Variants in SCN10A observed in about 807,000 individuals in gnomAD.
SCN10A encodes sodium channel protein type 10 subunit alpha.
A neutral mutation model predicts 170.7 loss-of-function variants in SCN10A; 162 were observed. That is an observed-to-expected ratio of 0.95 (90% CI 0.84 to 1.08). SCN10A has a LOEUF of 1.08. SCN10A is among the 50% of genes least tolerant of loss of function. The pLI is 0.00. For synonymous variants in SCN10A, 985 were observed against 904.6 expected, an observed-to-expected ratio of 1.09 and a Z score of -1.59; for missense variants, 2,527 against 2,436.9, an observed-to-expected ratio of 1.04 and a Z score of -0.78.
chr3:38,736,963 G>GTTTTTTTTTTTTTTGT (rs2063568702), intron 15 of SCN10A, among the ~76,000 whole-genome samples: 1 of 46,666 alleles, frequency 2.1e-5, no homozygotes, highest in Admixed American at 3.3e-4. Flanking sequence ...AGAAATGTTC[G>GTTTTTTTTTTTTTTGT]TTTTTTTTTT....
At chr3:38,727,130 G>A (rs994796048) in intron 16 of SCN10A, 78 bp from the exon 17 acceptor site, 10 of 1,401,312 alleles carry the variant, frequency 7.1e-6, no homozygotes, top group African/African-American at 2.8e-5. Flanking sequence ...TTAGCAGCTG[G>A]CTGGCAAGAC....
intron 1 of SCN10A, among the ~76,000 whole-genome samples, chr3:38,812,661 G>A (rs1025204701): frequency 6.6e-6 from 1 of 152,102 alleles, no homozygotes; most frequent in African/African-American, 2.4e-5. Flanking sequence ...GTCAGAGTCA[G>A]CACTTGCTAG....
intron 17 of SCN10A, among the ~76,000 whole-genome samples, chr3:38,726,030 C>T (rs2063450746): frequency 6.6e-6 from 1 of 152,136 alleles, no homozygotes. Context: ...AGGTGAATGC[C>T]CTGAGTTACT....
chr3:38,703,826 G>T (rs917344005), intron 26 of SCN10A, among the ~76,000 whole-genome samples: 22 of 152,118 alleles, frequency 1.4e-4, no homozygotes, highest in Non-Finnish European at 2.8e-4. Context: ...CCAACTGTTT[G>T]CCTCTGTCAC....
At chr3:38,748,079 G>A (rs2063710622) in intron 13 of SCN10A, among the ~76,000 whole-genome samples, 1 of 152,056 alleles carries the variant, frequency 6.6e-6, no homozygotes, top group Non-Finnish European at 1.5e-5. Context: ...GAGAGAAGGA[G>A]GAAGCTTAAC....
intron 3 of SCN10A, among the ~76,000 whole-genome samples, chr3:38,790,144 A>T (rs2064262460): frequency 6.6e-6 from 1 of 152,188 alleles, no homozygotes; most frequent in South Asian, 2.1e-4. Flanking sequence ...GGGAAATGTT[A>T]ATCCAAGGAT....
intron 20 of SCN10A, 77 bp from the exon 21 acceptor site, chr3:38,718,903 C>A (rs1575948852): frequency 5.0e-6 from 7 of 1,387,696 alleles, no homozygotes; most frequent in Non-Finnish European, 5.9e-6. Context: ...AGGGAAGGAC[C>A]CAGCCAGCCC....
chr3:38,814,990 C>T (rs1423500400), intron 1 of SCN10A, among the ~76,000 whole-genome samples: 6 of 152,196 alleles, frequency 3.9e-5, no homozygotes, highest in East Asian at 1.9e-4. Flanking sequence ...ATTCAAACTA[C>T]GTTTTAAAAT....
At chr3:38,767,841 G>T (rs985857272) in intron 5 of SCN10A, among the ~76,000 whole-genome samples, 11 of 152,040 alleles carry the variant, frequency 7.2e-5, no homozygotes, top group African/African-American at 2.7e-4. Context: ...GTGGAATATT[G>T]ATCCCCCACT....
intron 13 of SCN10A, among the ~76,000 whole-genome samples, chr3:38,744,126 G>A (rs1451142446): frequency 6.6e-6 from 1 of 152,208 alleles, no homozygotes; most frequent in Non-Finnish European, 1.5e-5. Context: ...TTTATTTGTG[G>A]TGATGTAGAA....
At position 38,697,039 on chromosome 3, in the gene SCN10A, T is replaced by A. The variant is rs943660777; in HGVS notation, c.*310A>T. On this transcript the variant is annotated 3_prime_UTR_variant, in exon 28 of 28. Coordinates refer to ENST00000449082, the MANE Select transcript of SCN10A (RefSeq NM_006514.4). Reference sequence around the variant, plus strand: ...TCTGGTCCTGAGAAGTTTGTCTCAGTAAATATAATCTGATTACAACAAAAA... The same window carrying A: ...TCTGGTCCTGAGAAGTTTGTCTCAGAAAATATAATCTGATTACAACAAAAA... 1.4e-5 allele frequency: 5 copies of A among 355,198 alleles called. No homozygotes were observed. The highest frequency in any genetic ancestry group is 1.0e-4 in the African/African-American group (5 of 48,822). 22.0% of individuals were successfully genotyped at this position (355,198 alleles called of 1,614,324 possible). A position where few individuals can be genotyped will look rare whatever the true frequency, so the allele number is the denominator to read the frequency against.
chr3:38,734,332 TA>T (rs959021753), intron 15 of SCN10A, among the ~76,000 whole-genome samples: 96 of 149,586 alleles, frequency 6.4e-4, no homozygotes, highest in African/African-American at 1.2e-3. Flanking sequence ...CCCTTGGCTT[TA>T]AAAAAAAAAT....
intron 1 of SCN10A, among the ~76,000 whole-genome samples, chr3:38,802,786 A>C (rs1394817344): frequency 6.6e-6 from 1 of 152,196 alleles, no homozygotes; most frequent in Non-Finnish European, 1.5e-5. Context: ...AACAAAAGCC[A>C]AAATTGACAA....
chr3:38,812,576 G>A lies in SCN10A; in HGVS notation c.-33+3461C>T, dbSNP rs185559775. On this transcript the variant is annotated intron_variant, in intron 1 of 27. Transcript: ENST00000449082. ...CCCCCAAGACAAAGATGTAGAAAACGAGAAGACTCTCCCATGCCCCTTCCC... is the reference window on the plus strand; with the variant it reads ...CCCCCAAGACAAAGATGTAGAAAACAAGAAGACTCTCCCATGCCCCTTCCC... Among the ~76,000 whole-genome samples the A allele has an allele frequency of 3.3e-5, 5 of 152,180 alleles. No individual in the cohort carries two copies. In the East Asian group the frequency reaches 5.8e-4, roughly 18 times the overall value.
At chr3:38,733,148 T>C (rs1183175232) in intron 15 of SCN10A, among the ~76,000 whole-genome samples, 2 of 152,214 alleles carry the variant, frequency 1.3e-5, no homozygotes, top group African/African-American at 2.4e-5. Flanking sequence ...TTTGAAGTAA[T>C]TGTATTGTGA....
At chr3:38,789,101 C>T in intron 3 of SCN10A, 65 bp from the exon 4 acceptor site, 2 of 897,106 alleles carry the variant, frequency 2.2e-6, no homozygotes, top group African/African-American at 1.6e-5. Flanking sequence ...CTAGGATCAC[C>T]TTGATGCTGA....
At chr3:38,808,348 T>C (rs2064418626) in intron 1 of SCN10A, among the ~76,000 whole-genome samples, 1 of 152,236 alleles carries the variant, frequency 6.6e-6, no homozygotes, top group African/African-American at 2.4e-5. Context: ...CAACCATTCC[T>C]GACTGTCTGA....
At chr3:38,812,157 C>CA (rs1321273705) in intron 1 of SCN10A, among the ~76,000 whole-genome samples, 3 of 152,104 alleles carry the variant, frequency 2.0e-5, no homozygotes, top group African/African-American at 7.2e-5. Flanking sequence ...AAAAATTGAA[C>CA]AAAAAAGATG....
At chr3:38,815,579 T>G (rs959467057) in intron 1 of SCN10A, among the ~76,000 whole-genome samples, 2 of 152,278 alleles carry the variant, frequency 1.3e-5, no homozygotes, top group African/African-American at 4.8e-5. Flanking sequence ...GTATCACCAC[T>G]GACCCGGAGA....
Sources: gnomAD v4.1 joint callset for allele counts (sites outside exome capture counted in the v4.1 genomes callset) on GRCh38, gnomAD v4.1.1 for gene constraint, MANE v1.5 for transcripts, NCBI Gene and HGNC (gene_info 2026-07-23, HGNC 2026-07-21) for gene names.